The following LMBR1L variants were observed in gnomAD, a reference collection of about 807,000 sequenced individuals.
LMBR1L encodes the protein limb development membrane protein 1 like.
In LMBR1L, 47 loss-of-function variants were observed where a neutral mutation model predicts 67.3. The observed-to-expected ratio is 0.70, with a 90% confidence interval of 0.55 to 0.89. The LOEUF is 0.89. LMBR1L is among the 40% of genes least tolerant of loss of function. The probability of loss-of-function intolerance (pLI) is 0.00; values close to 1 mark genes in which losing one functional copy is unlikely to be tolerated. For synonymous variants in LMBR1L, 247 were observed against 250.3 expected, an observed-to-expected ratio of 0.99 and a Z score of 0.13; for missense variants, 533 against 599.2, an observed-to-expected ratio of 0.89 and a Z score of 1.15.
In LMBR1L at chr12:49,106,740, G is replaced by GA. The variant is rs753589298; in HGVS notation, c.157+220dup. On this transcript the variant is annotated intron_variant, in intron 2 of 16. Coordinates refer to ENST00000267102, the MANE Select transcript of LMBR1L (RefSeq NM_018113.4). ...AGACATTGTTACGCCCATTTTGTAG[G>GA]ATGAAACTGAGGATCAGAAATGTTA... 9 of 873,452 alleles carry GA rather than the reference G, an allele frequency of 1.0e-5. No individual in the cohort carries two copies. The South Asian group carries it at 1.3e-4, about 13-fold the overall frequency. 54.1% of individuals were successfully genotyped at this position (873,452 alleles called of 1,614,324 possible). A position where few individuals can be genotyped will look rare whatever the true frequency, so the allele number is the denominator to read the frequency against.
intron 5 of LMBR1L, 36 bp from the exon 6 acceptor site, chr12:49,103,849 T>C (rs1940543376): frequency 6.3e-7 from 1 of 1,586,492 alleles, no homozygotes; most frequent in African/African-American, 1.3e-5. Flanking sequence ...AAGGTTAACA[T>C]CAGGGCAGTG....
At chr12:49,099,124 T>C (rs1308253538) in intron 15 of LMBR1L, among the ~76,000 whole-genome samples, 2 of 57,490 alleles carry the variant, frequency 3.5e-5, no homozygotes, top group African/African-American at 5.7e-5. Flanking sequence ...TCACAGCTGA[T>C]TTTTTTTTTT....
chr12:49,102,394 G>A lies in LMBR1L; in HGVS notation c.770-18C>T. 1 of 1,613,630 alleles carries A rather than the reference G, an allele frequency of 6.2e-7. No homozygotes were observed. On this transcript the variant is annotated intron_variant, in intron 9 of 16. Coordinates refer to ENST00000267102, the MANE Select transcript of LMBR1L (RefSeq NM_018113.4). ...AGTAGGATCTGAGGGCAGAGAAGAT[G>A]GTGTTGCTCTCAAGTCCTGCAGTTT...
Position 49,098,025 on chromosome 12 carries a change from C to T in LMBR1L, c.1321G>A (p.Ala441Thr). Residue 441 changes from alanine to threonine, a missense_variant, in exon 16 of 17, where the codon GCA becomes ACA. By Grantham distance (58) the Ala-to-Thr change is moderately conservative. This residue lies in a region of LMBR1L where 223 missense variants were observed against 241.2 expected (regional missense o/e 0.92). Transcript: ENST00000267102. ...AGTGTGGTGAGGCCTGCAAAGGCTGCGTTGTAGAGGAACACAATGTAGAAA... is the reference window on the plus strand; with the variant it reads ...AGTGTGGTGAGGCCTGCAAAGGCTGTGTTGTAGAGGAACACAATGTAGAAA... Reference protein sequence around the residue: ...GNFYIVFLYNAAFAGLTTLCL... With the variant: ...GNFYIVFLYNTAFAGLTTLCL... 1.2e-6 allele frequency: 2 copies of T among 1,614,134 alleles called. No individual in the cohort carries two copies. The highest frequency in any genetic ancestry group is 2.2e-5 in the East Asian group (1 of 44,880).
chr12:49,100,523 C>A (rs781247529), intron 14 of LMBR1L, 33 bp downstream of exon 14: 26 of 1,609,644 alleles, frequency 1.6e-5, no homozygotes, highest in Admixed American at 8.3e-5. Flanking sequence ...CATCCACACC[C>A]CCCGGGAGCT....
chr12:49,106,361 G>T (rs920085019), intron 2 of LMBR1L: 2 of 371,338 alleles, frequency 5.4e-6, no homozygotes, highest in Non-Finnish European at 1.0e-5. Context: ...GTCCCCAGGG[G>T]AATTACTCTT....
chr12:49,101,666 A>C (rs1940208129), intron 11 of LMBR1L, 117 bp from the exon 12 acceptor site: 1 of 723,496 alleles, frequency 1.4e-6, no homozygotes, highest in South Asian at 1.7e-5. Context: ...CTCTGCTTCC[A>C]ATGAGCTATA....
At chr12:49,103,010 G>GC in intron 7 of LMBR1L, 59 bp from the exon 8 acceptor site, 1 of 1,604,188 alleles carries the variant, frequency 6.2e-7, no homozygotes, top group African/African-American at 1.3e-5. Context: ...TCCCTAACAT[G>GC]CCCCCCATTC....
intron 3 of LMBR1L, among the ~76,000 whole-genome samples, chr12:49,105,412 T>C (rs1044049911): frequency 2.6e-5 from 4 of 152,216 alleles, no homozygotes; most frequent in Non-Finnish European, 5.9e-5. Flanking sequence ...AGATGGGCAC[T>C]TCTAGCTCTT....
intron 5 of LMBR1L, chr12:49,104,107 C>T (rs1006161062): frequency 8.4e-6 from 4 of 475,048 alleles, no homozygotes; most frequent in African/African-American, 2.0e-5. Flanking sequence ...CCTCTGGTTT[C>T]GCATCCAACA....
At chr12:49,104,258 A>G in intron 5 of LMBR1L, 190 bp downstream of exon 5, 1 of 596,416 alleles carries the variant, frequency 1.7e-6, no homozygotes, top group Middle Eastern at 3.3e-4. Flanking sequence ...TTCAGCTATT[A>G]GTGGGTTCTA....
At chr12:49,107,133 C>T (rs1941008880) in intron 1 of LMBR1L, 88 bp from the exon 2 acceptor site, 1 of 851,958 alleles carries the variant, frequency 1.2e-6, no homozygotes, top group Admixed American at 2.0e-5. Flanking sequence ...TCCAGGCCAT[C>T]ACTTCCTCAA....
At chr12:49,105,076 GC>G in intron 3 of LMBR1L, 191 bp from the exon 4 acceptor site, 1 of 608,378 alleles carries the variant, frequency 1.6e-6, no homozygotes, top group Non-Finnish European at 2.8e-6. Flanking sequence ...CTCCAGGGAA[GC>G]CCCAGCTCAT....
intron 8 of LMBR1L, 25 bp from the exon 9 acceptor site, chr12:49,102,565 C>A (rs768932079): frequency 6.2e-7 from 1 of 1,611,512 alleles, no homozygotes; most frequent in Non-Finnish European, 8.5e-7. Flanking sequence ...AAGGAAGAGA[C>A]TAACTGTCAG....
chr12:49,106,057 C>A lies in LMBR1L; in HGVS notation c.158-100G>T. 4.0e-6 allele frequency: 4 copies of A among 995,186 alleles called. No homozygotes were observed. The South Asian group carries it at 4.5e-5, about 11-fold the overall frequency. 61.6% of individuals were successfully genotyped at this position (995,186 alleles called of 1,614,324 possible). A position where few individuals can be genotyped will look rare whatever the true frequency, so the allele number is the denominator to read the frequency against. On this transcript the variant is annotated intron_variant, in intron 2 of 16. Transcript: ENST00000267102. Reference sequence around the variant, plus strand: ...GTGCTCCCTGCCCCATCCCTGCCCCCTCAAAGAAGGCAGAGCTGAACAGGA... The same window carrying A: ...GTGCTCCCTGCCCCATCCCTGCCCCATCAAAGAAGGCAGAGCTGAACAGGA...
At chr12:49,109,271 G>C (rs993452838) in intron 1 of LMBR1L, among the ~76,000 whole-genome samples, 1 of 152,132 alleles carries the variant, frequency 6.6e-6, no homozygotes, top group Non-Finnish European at 1.5e-5. Context: ...CTAGGAATTT[G>C]AGCCTCCAGC....
At chr12:49,098,974 AAC>A (rs1460585295) in intron 15 of LMBR1L, among the ~76,000 whole-genome samples, 2 of 150,994 alleles carry the variant, frequency 1.3e-5, no homozygotes, top group Non-Finnish European at 2.9e-5. Flanking sequence ...GCTAATTAAA[AAC>A]ACTTTTTTTT....
In LMBR1L at chr12:49,102,932, G is replaced by A. The variant is rs780283411; in HGVS notation, c.651C>T (p.Leu217=). The change falls in exon 8 of 17, where the codon CTC becomes CTT. Residue 217 remains leucine (L), a synonymous_variant. Coordinates refer to ENST00000267102, the MANE Select transcript of LMBR1L (RefSeq NM_018113.4). ...LLLLVCTPLG[L]ARMFSVTGKL... Reference sequence around the variant, plus strand: ...TCCCAGTGACGGAGAACATGCGGGCGAGACCCAGTGGAGTACACACTGTAG... The same window carrying A: ...TCCCAGTGACGGAGAACATGCGGGCAAGACCCAGTGGAGTACACACTGTAG... The A allele has an allele frequency of 6.8e-6, 11 of 1,614,106 alleles. No individual in the cohort carries two copies. The highest frequency in any genetic ancestry group is 5.5e-5 in the South Asian group (5 of 91,080).
At position 49,110,539 on chromosome 12, in the gene LMBR1L, T is replaced by C. The variant is rs2121105556; in HGVS notation, c.17A>G (p.Tyr6Cys). The change falls in exon 1 of 17, where the codon TAC (tyrosine) becomes TGC (cysteine). Residue 6 changes from tyrosine to cysteine, a missense_variant. Physicochemically the swap from Tyr to Cys is radical, Grantham distance 194. This residue lies in a region of LMBR1L where 246 missense variants were observed against 249.0 expected (regional missense o/e 0.99). Coordinates refer to ENST00000267102, the MANE Select transcript of LMBR1L (RefSeq NM_018113.4). ...CTGTTCTCGCACGGATAGCACTTCGTAGTCAGGTGCTTCCATACTCTGCTC... is the reference window on the plus strand; with the variant it reads ...CTGTTCTCGCACGGATAGCACTTCGCAGTCAGGTGCTTCCATACTCTGCTC... The part of the protein sequence containing the change: MEAPD[Y>C]EVLSVREQLF... The C allele has an allele frequency of 6.2e-7, 1 of 1,613,976 alleles. No homozygotes were observed. The highest frequency in any genetic ancestry group is 1.1e-5 in the South Asian group (1 of 91,082).
Sources: allele counts gnomAD v4.1 joint callset (sites outside exome capture counted in the v4.1 genomes callset), GRCh38; gene constraint gnomAD v4.1.1; regional missense constraint gnomAD v4.1.1; transcripts MANE v1.5; gene names NCBI Gene and HGNC (gene_info 2026-07-23, HGNC 2026-07-21).